The following RAB2A variants were observed in gnomAD, a reference collection of about 807,000 sequenced individuals.
RAB2A encodes the protein ras-related protein Rab-2A.
Under a neutral mutation model 32.5 loss-of-function variants are expected in RAB2A, and 7 were observed. That is an observed-to-expected ratio of 0.22 (90% CI 0.12 to 0.40). RAB2A has a LOEUF of 0.40. Ranked by LOEUF, RAB2A falls within the 10% of genes least tolerant of loss-of-function variation. The probability of loss-of-function intolerance (pLI) is 1.00; values close to 1 mark genes in which losing one functional copy is unlikely to be tolerated. For synonymous variants in RAB2A, 79 were observed against 85.2 expected, an observed-to-expected ratio of 0.93 and a Z score of 0.40; for missense variants, 108 against 260.7, an observed-to-expected ratio of 0.41 and a Z score of 4.03.
intron 1 of RAB2A, among the ~76,000 whole-genome samples, chr8:60,536,485 A>T (rs2130813927): frequency 6.6e-6 from 1 of 152,346 alleles, no homozygotes; most frequent in Non-Finnish European, 1.5e-5. Flanking sequence ...AAGCAACTTT[A>T]TTGAAATATA....
intron 6 of RAB2A, among the ~76,000 whole-genome samples, chr8:60,597,614 A>G (rs912319670): frequency 2.6e-5 from 4 of 152,168 alleles, no homozygotes; most frequent in African/African-American, 4.8e-5. Flanking sequence ...AAGTCTCAAA[A>G]TAATTTTAAC....
chr8:60,581,205 G>A (rs1803744901), intron 3 of RAB2A, among the ~76,000 whole-genome samples: 1 of 152,214 alleles, frequency 6.6e-6, no homozygotes, highest in African/African-American at 2.4e-5. Context: ...ACTCAGAGGA[G>A]ATGCTTTTTG....
At position 60,517,117 on chromosome 8, in the gene RAB2A, T is replaced by G; in HGVS notation, c.-91T>G. 1 of 1,334,810 alleles carries G rather than the reference T, an allele frequency of 7.5e-7. No homozygotes were observed. The highest frequency in any genetic ancestry group is 9.9e-7 in the Non-Finnish European group (1 of 1,013,628). 82.7% of individuals were successfully genotyped at this position (1,334,810 alleles called of 1,614,324 possible). ...GGCGGCGGCGGGCGGCGCCTGGCGT[T>G]TCGAGGCTGAGCGGCACCGGGGTTG... On this transcript the variant is annotated 5_prime_UTR_variant, in exon 1 of 8. Transcript: ENST00000262646.
chr8:60,539,300 G>A (rs547929429), intron 1 of RAB2A, among the ~76,000 whole-genome samples: 1 of 152,344 alleles, frequency 6.6e-6, no homozygotes, highest in South Asian at 2.1e-4. Flanking sequence ...GGCCTTAGCA[G>A]ATAAAGTGAG....
intron 2 of RAB2A, chr8:60,569,856 C>G (rs1206048038): frequency 7.4e-6 from 3 of 404,104 alleles, no homozygotes; most frequent in African/African-American, 6.2e-5. Flanking sequence ...ATACTAAAAC[C>G]CAATTCTAGC....
chr8:60,575,123 G>T, intron 3 of RAB2A, among the ~76,000 whole-genome samples: 1 of 133,716 alleles, frequency 7.5e-6, no homozygotes. Flanking sequence ...TTTTGAGACA[G>T]CGTCTTACTC....
chr8:60,590,385 C>T (rs1009304564), intron 5 of RAB2A, among the ~76,000 whole-genome samples: 2 of 151,114 alleles, frequency 1.3e-5, no homozygotes, highest in Non-Finnish European at 2.9e-5. Flanking sequence ...GTCCTGTAGT[C>T]CTAGCAATTG....
At chr8:60,573,288 A>G (rs371008731) in intron 3 of RAB2A, among the ~76,000 whole-genome samples, 3 of 152,224 alleles carry the variant, frequency 2.0e-5, no homozygotes, top group East Asian at 3.8e-4. Context: ...GGATTTAATC[A>G]TCATATACCC....
chr8:60,590,015 G>C (rs1803915046), intron 5 of RAB2A, among the ~76,000 whole-genome samples: 1 of 151,750 alleles, frequency 6.6e-6, no homozygotes, highest in Non-Finnish European at 1.5e-5. Context: ...AGGCTGGAGT[G>C]CAGTGGCGCG....
chr8:60,537,469 C>G (rs926336989), intron 1 of RAB2A, among the ~76,000 whole-genome samples: 1 of 152,216 alleles, frequency 6.6e-6, no homozygotes, highest in Non-Finnish European at 1.5e-5. Context: ...GTAATCCACC[C>G]GCCTCGACCT....
intron 1 of RAB2A, chr8:60,553,018 C>T (rs187626629): frequency 6.6e-6 from 1 of 152,086 alleles, no homozygotes; most frequent in East Asian, 1.9e-4. Flanking sequence ...CCTTCCTGTT[C>T]TACACACTGT....
chr8:60,561,114 C>T (rs1808018467), intron 2 of RAB2A, among the ~76,000 whole-genome samples: 1 of 152,290 alleles, frequency 6.6e-6, no homozygotes, highest in South Asian at 2.1e-4. Flanking sequence ...AATCTTTTTC[C>T]GTGTCATCTT....
At chr8:60,563,533 C>A (rs371008527) in intron 2 of RAB2A, among the ~76,000 whole-genome samples, 14 of 152,292 alleles carry the variant, frequency 9.2e-5, no homozygotes, top group Non-Finnish European at 1.8e-4. Flanking sequence ...ACTTTATGTG[C>A]TTTGCCTTGT....
At chr8:60,519,311 A>G (rs577372487) in intron 1 of RAB2A, among the ~76,000 whole-genome samples, 1 of 152,012 alleles carries the variant, frequency 6.6e-6, no homozygotes, top group South Asian at 2.1e-4. Context: ...CCCTATCTAC[A>G]TTTCTCGCCT....
chr8:60,590,186 C>A (rs1031686062), intron 5 of RAB2A, among the ~76,000 whole-genome samples: 1 of 151,952 alleles, frequency 6.6e-6, no homozygotes, highest in East Asian at 1.9e-4. Flanking sequence ...GTCTTGAACT[C>A]CTAACCTGAG....
At chr8:60,595,638 T>C (rs1224175823) in intron 6 of RAB2A, among the ~76,000 whole-genome samples, 1 of 151,826 alleles carries the variant, frequency 6.6e-6, no homozygotes, top group African/African-American at 2.4e-5. Context: ...ATTATCAGAG[T>C]GGGACATTAT....
intron 2 of RAB2A, among the ~76,000 whole-genome samples, chr8:60,567,019 T>C (rs936746294): frequency 2.0e-5 from 3 of 152,236 alleles, no homozygotes; most frequent in Non-Finnish European, 4.4e-5. Context: ...AAGCCATTCA[T>C]TCTTGTCCTA....
intron 2 of RAB2A, chr8:60,570,010 A>T (rs1301830310): frequency 2.2e-6 from 1 of 456,324 alleles, no homozygotes; most frequent in Admixed American, 2.3e-5. Context: ...ATCCTGCAGC[A>T]GGAGCAGTTG....
chr8:60,544,581 G>A (rs1454285241), intron 1 of RAB2A, among the ~76,000 whole-genome samples: 4 of 122,958 alleles, frequency 3.3e-5, no homozygotes, highest in Non-Finnish European at 6.4e-5. Context: ...TTAAAATAGA[G>A]ATGGGGTCTC....
Sources: gnomAD v4.1 joint callset for allele counts (sites outside exome capture counted in the v4.1 genomes callset) on GRCh38, gnomAD v4.1.1 for gene constraint, MANE v1.5 for transcripts, NCBI Gene and HGNC (gene_info 2026-07-23, HGNC 2026-07-21) for gene names.